ABCA1: variants seen among roughly 807,000 people sequenced by gnomAD.
ABCA1 encodes phospholipid-transporting ATPase ABCA1.
Under a neutral mutation model 262.5 loss-of-function variants are expected in ABCA1, and 133 were observed. The ratio of observed to expected loss-of-function variants is 0.51; its 90% confidence interval spans 0.44 to 0.59. The LOEUF (loss-of-function observed/expected upper bound fraction) is 0.59, where lower values mean the gene tolerates loss of function less well. ABCA1 is among the 20% of genes least tolerant of loss of function. The probability of loss-of-function intolerance (pLI) is 0.00; values close to 1 mark genes in which losing one functional copy is unlikely to be tolerated. For synonymous variants in ABCA1, 1,022 were observed against 1,043.5 expected, an observed-to-expected ratio of 0.98 and a Z score of 0.40; for missense variants, 2,452 against 2,777.5, an observed-to-expected ratio of 0.88 and a Z score of 2.63.
At chr9:104,891,661 C>T (rs1839756061) in intron 2 of ABCA1, among the ~76,000 whole-genome samples, 2 of 150,606 alleles carry the variant, frequency 1.3e-5, no homozygotes, top group African/African-American at 4.9e-5. Flanking sequence ...AGTGGATGTA[C>T]TAGGATGATA....
chr9:104,799,394 TCA>T (rs3983647), intron 36 of ABCA1: 23,694 of 550,384 alleles, frequency 0.043, 138 homozygotes, highest in South Asian at 0.11. Flanking sequence ...GCTTTAAACT[TCA>T]CACACACACA....
At position 104,884,465 on chromosome 9, in the gene ABCA1, C is replaced by T. The variant is rs757447945; in HGVS notation, c.264G>A (p.Gly88=). 6.2e-7 allele frequency: 1 copy of T among 1,614,174 alleles called. No individual in the cohort carries two copies. Among genetic ancestry groups the T allele is most frequent in the Non-Finnish European group, 8.5e-7 (1 of 1,180,034 alleles). ...AGTTTCCAACAACTCCGGGAGCCTC[C>T]CCAGGAGTCGGGTAACGGAAACAGG... ...NNPCFRYPTP[G]EAPGVVGNFN... is the part of the protein sequence containing the mutation. Residue 88 remains glycine, a synonymous_variant, in exon 4 of 50, where the codon GGG becomes GGA. Transcript: ENST00000374736.
chr9:104,807,835 T>TAA (rs1239003973), intron 30 of ABCA1, among the ~76,000 whole-genome samples: 1 of 35,780 alleles, frequency 2.8e-5, no homozygotes, highest in African/African-American at 7.3e-5. Context: ...ATAAATAAAA[T>TAA]ATATATATAT....
chr9:104,897,917 A>C (rs1840353721), intron 2 of ABCA1, among the ~76,000 whole-genome samples: 1 of 152,132 alleles, frequency 6.6e-6, no homozygotes, highest in African/African-American at 2.4e-5. Context: ...ACTTATTAAC[A>C]ATACTCTCTT....
chr9:104,831,852 G>C (rs777199111), intron 12 of ABCA1, 25 bp from the exon 13 acceptor site: 1 of 1,611,792 alleles, frequency 6.2e-7, no homozygotes, highest in Non-Finnish European at 8.5e-7. Context: ...GCCTTCATGA[G>C]AACGTTGGCA....
At chr9:104,856,165 C>A (rs1345582752) in intron 7 of ABCA1, 1 of 1,468,308 alleles carries the variant, frequency 6.8e-7, no homozygotes, top group African/African-American at 1.4e-5. Flanking sequence ...GTATCAGTCC[C>A]AGCATTCCAA....
intron 5 of ABCA1, 85 bp from the exon 6 acceptor site, chr9:104,861,885 G>A (rs1356800478): frequency 6.4e-6 from 8 of 1,246,930 alleles, no homozygotes; most frequent in African/African-American, 6.0e-5. Context: ...GTGGAGAAAC[G>A]TTATCATAAT....
Position 104,828,989 on chromosome 9 carries a change from A to G in ABCA1, c.2042T>C (p.Leu681Pro), listed in dbSNP as rs1243565109. The G allele has an allele frequency of 1.2e-6, 2 of 1,614,182 alleles. No homozygotes were observed. The highest frequency in any genetic ancestry group is 1.7e-6 in the Non-Finnish European group (2 of 1,180,030). ...GCTACTAATGAACCAGCTAAACCAG[A>G]GGATGCTGTTGTCCAGGCCCATGAT... The part of the protein sequence containing the change: ...MRIMGLDNSI[L>P]WFSWFISSLI... Residue 681 changes from leucine (L) to proline (P), a missense_variant, in exon 15 of 50, where the codon CTC becomes CCC. This residue lies in a region of ABCA1 where 1,032 missense variants were observed against 1,089.7 expected (regional missense o/e 0.95). Coordinates refer to ENST00000374736, the MANE Select transcript of ABCA1 (RefSeq NM_005502.4).
intron 6 of ABCA1, among the ~76,000 whole-genome samples, chr9:104,859,547 C>T (rs1473699356): frequency 6.6e-6 from 1 of 152,226 alleles, no homozygotes; most frequent in African/African-American, 2.4e-5. Flanking sequence ...GGCTGATGTG[C>T]TTGTAGAACA....
chr9:104,818,547 C>A (rs1055383359), intron 23 of ABCA1, 116 bp downstream of exon 23: 1 of 971,798 alleles, frequency 1.0e-6, no homozygotes, highest in Non-Finnish European at 1.6e-6. Context: ...GGCAACAGAG[C>A]AGGGAGATGG....
chr9:104,867,207 G>A (rs1185848553), intron 5 of ABCA1, among the ~76,000 whole-genome samples: 2 of 152,194 alleles, frequency 1.3e-5, no homozygotes, highest in Non-Finnish European at 2.9e-5. Flanking sequence ...TCAGGTGAGT[G>A]GCAGCTAGAA....
chr9:104,899,021 C>T (rs1227374358), intron 2 of ABCA1, among the ~76,000 whole-genome samples: 1 of 152,220 alleles, frequency 6.6e-6, no homozygotes, highest in African/African-American at 2.4e-5. Flanking sequence ...GAAAGCAGTA[C>T]TCATGCCCAG....
chr9:104,845,591 T>C, intron 7 of ABCA1, 22 bp from the exon 8 acceptor site: 1 of 1,516,034 alleles, frequency 6.6e-7, no homozygotes, highest in African/African-American at 1.4e-5. Flanking sequence ...AAGAAAACTT[T>C]GTTTCTGAAT....
chr9:104,785,826 G>A (rs1330086412), intron 48 of ABCA1, among the ~76,000 whole-genome samples, 187 bp from the exon 49 acceptor site: 1 of 152,202 alleles, frequency 6.6e-6, no homozygotes, highest in African/African-American at 2.4e-5. Context: ...ACCATGCCAT[G>A]TGCTGTAAAT....
chr9:104,859,088 T>G (rs1210923793), intron 6 of ABCA1, among the ~76,000 whole-genome samples: 1 of 152,262 alleles, frequency 6.6e-6, no homozygotes, highest in Non-Finnish European at 1.5e-5. Flanking sequence ...CAATTTATGT[T>G]GTCTTTAAGT....
At chr9:104,807,567 G>T (rs1830877066) in intron 30 of ABCA1, among the ~76,000 whole-genome samples, 2 of 152,032 alleles carry the variant, frequency 1.3e-5, no homozygotes, top group Admixed American at 1.3e-4. Context: ...TGTAATCCCA[G>T]AACTTTGGGA....
At chr9:104,896,691 C>T (rs532663625) in intron 2 of ABCA1, among the ~76,000 whole-genome samples, 2 of 131,600 alleles carry the variant, frequency 1.5e-5, no homozygotes, top group African/African-American at 5.6e-5. Flanking sequence ...TGAATAACTC[C>T]AAAATTGCTC....
chr9:104,816,231 G>C lies in ABCA1; in HGVS notation c.3650C>G (p.Ala1217Gly), dbSNP rs1277584205. The change falls in exon 25 of 50, where the codon GCC becomes GGC. Residue 1217 changes from alanine (A) to glycine (G), a missense_variant. Ala to Gly is a moderately conservative substitution (Grantham distance 60). This residue lies in a region of ABCA1 where 665 missense variants were observed against 727.3 expected (regional missense o/e 0.91). Coordinates refer to ENST00000374736, the MANE Select transcript of ABCA1 (RefSeq NM_005502.4). ...AATCTCATGAAAGAGTTCCACAAAG[G>C]CTCCCTCCTTAGCAGCTTCATATGG... ...VLPYEAAKEG[A>G]FVELFHEIDD... 3 of 1,614,058 alleles carry C rather than the reference G, an allele frequency of 1.9e-6. No homozygotes were observed. The highest frequency in any genetic ancestry group is 1.7e-6 in the Non-Finnish European group (2 of 1,180,008).
intron 7 of ABCA1, among the ~76,000 whole-genome samples, chr9:104,850,165 A>G (rs914300782): frequency 5.9e-5 from 9 of 152,030 alleles, no homozygotes; most frequent in Non-Finnish European, 1.5e-5. Context: ...TCTGTCACCC[A>G]GGCTAGAGTG....
Sources: allele counts gnomAD v4.1 joint callset (sites outside exome capture counted in the v4.1 genomes callset), GRCh38; gene constraint gnomAD v4.1.1; regional missense constraint gnomAD v4.1.1; transcripts MANE v1.5; gene names NCBI Gene and HGNC (gene_info 2026-07-23, HGNC 2026-07-21).